Variants in PTPRK observed in about 807,000 individuals in gnomAD.
The protein encoded by PTPRK is protein tyrosine phosphatase receptor type K.
PTPRK carries 75 observed loss-of-function variants against 178.0 expected under a neutral mutation model. That is an observed-to-expected ratio of 0.42 (90% CI 0.35 to 0.51). PTPRK has a LOEUF of 0.51. PTPRK is among the 20% of genes least tolerant of loss of function. The pLI is 0.02. For synonymous variants in PTPRK, 637 were observed against 620.6 expected (o/e 1.03, Z -0.39); for missense variants, 1,441 against 1,797.8 (o/e 0.80, Z 3.59).
chr6:127,986,019 A>AT (rs898506735), intron 21 of PTPRK, 144 bp from the exon 22 acceptor site: 16 of 703,192 alleles, frequency 2.3e-5, no homozygotes, highest in South Asian at 8.4e-5. Context: ...TTAAAAAAAA[A>AT]ATATAATAAA....
intron 13 of PTPRK, among the ~76,000 whole-genome samples, chr6:128,054,915 C>T (rs1254215985): frequency 6.6e-6 from 1 of 152,082 alleles, no homozygotes; most frequent in African/African-American, 2.4e-5. Flanking sequence ...TTAAATAGAC[C>T]CTTAACTTCC....
At chr6:128,058,872 G>T (rs1780350911) in intron 13 of PTPRK, among the ~76,000 whole-genome samples, 1 of 151,812 alleles carries the variant, frequency 6.6e-6, no homozygotes, top group South Asian at 2.1e-4. Flanking sequence ...TGAGTTAGGG[G>T]TCAAGATATA....
At chr6:128,102,043 A>C (rs1788875748) in intron 7 of PTPRK, among the ~76,000 whole-genome samples, 1 of 152,156 alleles carries the variant, frequency 6.6e-6, no homozygotes, top group South Asian at 2.1e-4. Context: ...TCCTATATTA[A>C]CACGTATGCC....
Position 128,078,877 on chromosome 6 carries a change from T to C in PTPRK, c.1819A>G (p.Asn607Asp). Residue 607 changes from asparagine to aspartate, a missense_variant, in exon 11 of 30, where the codon AAT becomes GAT. By Grantham distance (23) the Asn-to-Asp change is conservative (BLOSUM62 1). Transcript: ENST00000368226. ...PDYEGVDASL[N>D]ETATTITVLL... ...ACAGTTATTGTGGTGGCAGTTTCATTGAGAGAGGCATCAACTCCTTCATAG... is the reference window on the plus strand; with the variant it reads ...ACAGTTATTGTGGTGGCAGTTTCATCGAGAGAGGCATCAACTCCTTCATAG... 2 of 1,612,310 alleles carry C rather than the reference T, an allele frequency of 1.2e-6. No individual in the cohort carries two copies. Among genetic ancestry groups the C allele is most frequent in the Non-Finnish European group, 1.7e-6 (2 of 1,178,758 alleles).
At chr6:128,346,932 A>G (rs553720789) in intron 2 of PTPRK, among the ~76,000 whole-genome samples, 1 of 152,284 alleles carries the variant, frequency 6.6e-6, no homozygotes, top group East Asian at 1.9e-4. Context: ...ACATGCAACA[A>G]AAGTCTGATC....
intron 7 of PTPRK, among the ~76,000 whole-genome samples, chr6:128,144,066 T>G (rs1470020010): frequency 6.6e-6 from 1 of 152,160 alleles, no homozygotes; most frequent in East Asian, 1.9e-4. Context: ...AGCTTGATTC[T>G]TTTTGCATTC....
chr6:128,284,703 T>C (rs1210287614), intron 3 of PTPRK, among the ~76,000 whole-genome samples: 1 of 152,194 alleles, frequency 6.6e-6, no homozygotes, highest in Non-Finnish European at 1.5e-5. Context: ...TGTTTTATAA[T>C]TAATGTTCAT....
chr6:128,009,176 C>T lies in PTPRK; in HGVS notation c.2287G>A (p.Val763Met), dbSNP rs756486782. The stretch of plus-strand genomic sequence containing the variant: ...ACAACTAGGAGAAGGAGGATGAACA[C>T]CAAAATTCCAGCACTAATTCCTGCT... ...KIAGISAGIL[V>M]FILLLLVVIL... Residue 763 changes from valine (V) to methionine (M), a missense_variant, in exon 14 of 30, where the codon GTG becomes ATG. Around this residue, in one of 4 missense-constraint regions of PTPRK, gnomAD observed 945 missense variants for 1,080.6 expected, o/e 0.87. Coordinates refer to ENST00000368226, the MANE Select transcript of PTPRK (RefSeq NM_002844.4). 3 of 1,608,890 alleles carry T rather than the reference C, an allele frequency of 1.9e-6. No individual in the cohort carries two copies. The highest frequency in any genetic ancestry group is 2.5e-6 in the Non-Finnish European group (3 of 1,176,780).
chr6:128,470,186 T>C (rs1850423831), intron 1 of PTPRK, among the ~76,000 whole-genome samples: 1 of 152,038 alleles, frequency 6.6e-6, no homozygotes, highest in Non-Finnish European at 1.5e-5. Context: ...ATATAACTTG[T>C]AGTTTGGGGA....
chr6:128,448,884 G>A (rs1340308980), intron 1 of PTPRK, among the ~76,000 whole-genome samples: 1 of 152,148 alleles, frequency 6.6e-6, no homozygotes, highest in Non-Finnish European at 1.5e-5. Flanking sequence ...TTTTGAGAAA[G>A]AGTCTCGCTT....
rs946290271 is a variant in PTPRK at position 127,992,830 on chromosome 6, T to C, written c.2845-121A>G. The C allele has an allele frequency of 1.5e-5, 11 of 742,182 alleles. No individual in the cohort carries two copies. In the African/African-American group the frequency reaches 2.0e-4, roughly 14 times the overall value. 46.0% of individuals were successfully genotyped at this position (742,182 alleles called of 1,614,324 possible). On this transcript the variant is annotated intron_variant, in intron 18 of 29. Transcript: ENST00000368226. The stretch of plus-strand genomic sequence containing the variant: ...TAAGTTATAATAAAAAGTCCAGAAA[T>C]GAGTAGTGAACACATAGTTCACTTC...
At chr6:128,337,114 C>G (rs905845435) in intron 2 of PTPRK, among the ~76,000 whole-genome samples, 1 of 152,118 alleles carries the variant, frequency 6.6e-6, no homozygotes, top group East Asian at 1.9e-4. Flanking sequence ...CCCTAAGAAC[C>G]TTTATTCCTA....
intron 1 of PTPRK, among the ~76,000 whole-genome samples, chr6:128,444,759 G>T (rs1310756782): frequency 3.3e-5 from 5 of 152,160 alleles, no homozygotes; most frequent in African/African-American, 9.7e-5. Flanking sequence ...AAGGGAAGTA[G>T]CTTCCTAAGG....
At chr6:127,972,657 T>C (rs1375492342) in intron 29 of PTPRK, among the ~76,000 whole-genome samples, 2 of 152,148 alleles carry the variant, frequency 1.3e-5, no homozygotes, top group African/African-American at 2.4e-5. Context: ...ATACTGGGTG[T>C]CTAAGGTACT....
At chr6:127,976,546 G>GTTT in intron 27 of PTPRK, 111 bp downstream of exon 27, 2 of 1,277,378 alleles carry the variant, frequency 1.6e-6, no homozygotes, top group Non-Finnish European at 2.2e-6. Flanking sequence ...TGAGGTGGAT[G>GTTT]ATATAGTGCT....
In PTPRK at chr6:128,229,654, G is replaced by C. The variant is rs140416660; in HGVS notation, c.693+10381C>G. On this transcript the variant is annotated intron_variant, in intron 5 of 29. Coordinates refer to ENST00000368226, the MANE Select transcript of PTPRK (RefSeq NM_002844.4). ...AAGCCTACTATAATCATATCAAAAA[G>C]AATCAGGAGCAAATTTGGAGAGGTG... Among the ~76,000 whole-genome samples the C allele has an allele frequency of 2.2e-4, 33 of 152,244 alleles. No homozygotes were observed. In the East Asian group the frequency reaches 6.2e-3, roughly 28 times the overall value.
chr6:128,099,269 T>A (rs982001450), intron 7 of PTPRK, among the ~76,000 whole-genome samples: 1 of 151,756 alleles, frequency 6.6e-6, no homozygotes, highest in African/African-American at 2.4e-5. Flanking sequence ...CTCAACTACA[T>A]AACTCCCTTG....
intron 1 of PTPRK, among the ~76,000 whole-genome samples, chr6:128,483,895 CT>C (rs539014572): frequency 9.9e-5 from 15 of 152,098 alleles, no homozygotes; most frequent in Non-Finnish European, 1.6e-4. Context: ...TAGATGATAT[CT>C]TTTTATGAAA....
intron 7 of PTPRK, among the ~76,000 whole-genome samples, chr6:128,131,060 C>T (rs1432555756): frequency 6.6e-6 from 1 of 152,162 alleles, no homozygotes; most frequent in East Asian, 1.9e-4. Context: ...CATTTTCTTT[C>T]TCTTTTCCAT....
Sources: allele counts gnomAD v4.1 joint callset (sites outside exome capture counted in the v4.1 genomes callset), GRCh38; gene constraint gnomAD v4.1.1; regional missense constraint gnomAD v4.1.1; transcripts MANE v1.5; gene names NCBI Gene and HGNC (gene_info 2026-07-23, HGNC 2026-07-21).